ZNF765: variants seen among roughly 807,000 people sequenced by gnomAD.
ZNF765 encodes zinc finger protein 765.
Under a neutral mutation model 44.7 loss-of-function variants are expected in ZNF765, and 37 were observed. The observed-to-expected ratio is 0.83, with a 90% CI of 0.64 to 1.09. The LOEUF is 1.09. Ranked by LOEUF, ZNF765 falls within the 50% of genes least tolerant of loss-of-function variation. ZNF765 has a pLI of 0.00. For synonymous variants in ZNF765, 201 were observed against 213.7 expected, an observed-to-expected ratio of 0.94 and a Z score of 0.52; for missense variants, 594 against 626.1, an observed-to-expected ratio of 0.95 and a Z score of 0.55.
chr19:53,400,763 C>CATATATATATAT (rs35520888), intron 2 of ZNF765, among the ~76,000 whole-genome samples: 2,476 of 116,632 alleles, frequency 0.021, 79 homozygotes, highest in East Asian at 0.052. Flanking sequence ...TATTTGTTGA[C>CATATATATATAT]ATATATATAT....
At chr19:53,397,871 G>C in intron 1 of ZNF765, 72 bp from the exon 2 acceptor site, 1 of 1,372,050 alleles carries the variant, frequency 7.3e-7, no homozygotes, top group Non-Finnish European at 1.0e-6. Flanking sequence ...GGTCTCCTTT[G>C]TATGTGTTGT....
At chr19:53,417,342 A>C (rs1349449316) in intron 3 of ZNF765, among the ~76,000 whole-genome samples, 1 of 152,112 alleles carries the variant, frequency 6.6e-6, no homozygotes, top group Non-Finnish European at 1.5e-5. Context: ...CTGTCTTCTC[A>C]TCATTTACCT....
At chr19:53,405,547 G>A (rs563878596) in intron 3 of ZNF765, among the ~76,000 whole-genome samples, 1 of 151,422 alleles carries the variant, frequency 6.6e-6, no homozygotes, top group South Asian at 2.1e-4. Context: ...ATTCTTCATG[G>A]TTTAGCCCAG....
At chr19:53,407,236 C>T (rs1462461552) in intron 3 of ZNF765, among the ~76,000 whole-genome samples, 1 of 152,172 alleles carries the variant, frequency 6.6e-6, no homozygotes, top group Non-Finnish European at 1.5e-5. Context: ...TTTGACAATA[C>T]AGAATTTCCA....
At chr19:53,404,689 T>C (rs1356282129) in intron 3 of ZNF765, among the ~76,000 whole-genome samples, 1 of 151,950 alleles carries the variant, frequency 6.6e-6, no homozygotes, top group Non-Finnish European at 1.5e-5. Flanking sequence ...CTTCATCTCC[T>C]GACCTCGTGA....
Position 53,409,069 on chromosome 19 carries a change from T to C in ZNF765, c.1514T>C (p.Phe505Ser). 1 of 1,613,880 alleles carries C rather than the reference T, an allele frequency of 6.2e-7. No individual in the cohort carries two copies. Among genetic ancestry groups the C allele is most frequent in the South Asian group, 1.1e-5 (1 of 91,080 alleles). Reference protein sequence around the residue: ...KCEDCDEAFSFKSNLERHRRI... With the variant: ...KCEDCDEAFSSKSNLERHRRI... The stretch of plus-strand genomic sequence containing the variant: ...GAAGATTGTGATGAAGCTTTCAGTT[T>C]CAAATCAAACCTTGAAAGACATAGG... Residue 505 changes from phenylalanine to serine, a missense_variant, in exon 4 of 4, where the codon TTC becomes TCC. Phe to Ser is a radical substitution (Grantham distance 155). Transcript: ENST00000396408.
At chr19:53,404,577 C>G (rs938001053) in intron 3 of ZNF765, among the ~76,000 whole-genome samples, 1 of 151,704 alleles carries the variant, frequency 6.6e-6, no homozygotes, top group Non-Finnish European at 1.5e-5. Context: ...TTCAGTCTCC[C>G]AAGTAGCTGG....
In ZNF765 at chr19:53,408,700, C is replaced by G; in HGVS notation, c.1145C>G (p.Pro382Arg). The change falls in exon 4 of 4, where the codon CCT (proline) becomes CGT (arginine). Residue 382 changes from proline (P) to arginine (R), a missense_variant. This residue lies in a region of ZNF765 where 567 missense variants were observed against 572.6 expected (regional missense o/e 0.99). Transcript: ENST00000396408. ...CHHRVHTGEKPYKCNECSKTF... is the reference protein window; with the variant it reads ...CHHRVHTGEKRYKCNECSKTF... Reference sequence around the variant, plus strand: ...CATAGAGTTCATACTGGAGAGAAACCTTACAAGTGTAATGAGTGTAGCAAG... The same window carrying G: ...CATAGAGTTCATACTGGAGAGAAACGTTACAAGTGTAATGAGTGTAGCAAG... The G allele has an allele frequency of 2.0e-6, 3 of 1,531,402 alleles. No individual in the cohort carries two copies. The highest frequency in any genetic ancestry group is 2.7e-6 in the Non-Finnish European group (3 of 1,127,990). 94.9% of individuals were successfully genotyped at this position (1,531,402 alleles called of 1,614,324 possible).
intron 2 of ZNF765, among the ~76,000 whole-genome samples, chr19:53,399,410 C>T (rs1172983810): frequency 6.6e-6 from 1 of 152,076 alleles, no homozygotes; most frequent in Non-Finnish European, 1.5e-5. Flanking sequence ...ACTGGGGAGT[C>T]ACCACTGTCA....
In ZNF765 at chr19:53,410,354, C is replaced by T. The variant is rs1320028184; in HGVS notation, c.*1227C>T. ...GAAAGCTTACATATGTGAAGAATGT[C>T]ACCAAGTTTTCAGTCACACTCAAAC... On this transcript the variant is annotated 3_prime_UTR_variant, in exon 4 of 4. Coordinates refer to ENST00000396408, the MANE Select transcript of ZNF765 (RefSeq NM_001040185.3). 3 of 335,652 alleles carry T rather than the reference C, an allele frequency of 8.9e-6. No individual in the cohort carries two copies. Among genetic ancestry groups the T allele is most frequent in the African/African-American group, 2.2e-5 (1 of 45,922 alleles). 20.8% of individuals were successfully genotyped at this position (335,652 alleles called of 1,614,324 possible).
rs753321721 is a variant in ZNF765, at chr19:53,408,800, G to A, written c.1245G>A (p.Glu415=). 29 of 1,613,922 alleles carry A rather than the reference G, an allele frequency of 1.8e-5. No individual in the cohort carries two copies. The Admixed American group carries it at 4.2e-4, about 23-fold the overall frequency. Residue 415 remains glutamate (E), a synonymous_variant, in exon 4 of 4, where the codon GAG becomes GAA. Coordinates refer to ENST00000396408, the MANE Select transcript of ZNF765 (RefSeq NM_001040185.3). The stretch of plus-strand genomic sequence containing the variant: ...AAGAGAAACCTTACAAGTGTAATGA[G>A]TGTGGCAAGACCTTCAATCAGCAGT... ...HTEEKPYKCN[E]CGKTFNQQLT...
rs1169128396 is a variant in ZNF765, at chr19:53,408,336, C to G, written c.781C>G (p.His261Asp). 1 of 1,614,156 alleles carries G rather than the reference C, an allele frequency of 6.2e-7. No homozygotes were observed. The highest frequency in any genetic ancestry group is 1.7e-5 in the Admixed American group (1 of 60,010). ...TAATTCGAAGCGATACGTTGCACGC[C>G]ATCGTAGATGTCACACTGGTGAGAA... ...VFNSKRYVAR[H>D]RRCHTGEKPY... The change falls in exon 4 of 4, where the codon CAT (histidine) becomes GAT (aspartate). Residue 261 changes from histidine to aspartate, a missense_variant. His to Asp is a moderately conservative substitution (Grantham distance 81, BLOSUM62 -1). Transcript: ENST00000396408.
chr19:53,395,778 C>T (rs1250574252), intron 1 of ZNF765, among the ~76,000 whole-genome samples: 1 of 152,218 alleles, frequency 6.6e-6, no homozygotes, highest in Non-Finnish European at 1.5e-5. Flanking sequence ...CTGCCCAGCT[C>T]CAGCCCCTGG....
At position 53,408,714 on chromosome 19, in the gene ZNF765, G is replaced by T. The variant is rs779519076; in HGVS notation, c.1159G>T (p.Glu387Ter). The T allele has an allele frequency of 5.2e-6, 8 of 1,533,968 alleles. No individual in the cohort carries two copies. In the East Asian group the frequency reaches 1.9e-4, roughly 37 times the overall value. The change falls in exon 4 of 4, where the codon GAG becomes TAG. Residue 387 changes from glutamate (E) to a stop codon, truncating the protein, a stop_gained. Transcript: ENST00000396408. LOFTEE classifies it high-confidence loss of function. ...HTGEKPYKCNECSKTFSHKSS... is the reference protein window; with the variant it reads ...HTGEKPYKCN ...TGGAGAGAAACCTTACAAGTGTAAT[G>T]AGTGTAGCAAGACCTTTAGTCACAA...
chr19:53,406,162 G>C (rs963083872), intron 3 of ZNF765, among the ~76,000 whole-genome samples: 13 of 150,298 alleles, frequency 8.6e-5, no homozygotes, highest in African/African-American at 2.9e-4. Context: ...CCAAGTAGCT[G>C]AGATTACAGG....
At chr19:53,422,412 A>G (rs1253613587) in intron 3 of ZNF765, among the ~76,000 whole-genome samples, 1 of 152,186 alleles carries the variant, frequency 6.6e-6, no homozygotes, top group African/African-American at 2.4e-5. Context: ...TATGAAGAAT[A>G]TGGAGGTGAA....
At chr19:53,412,460 A>G (rs1267461288), downstream of ZNF765, among the ~76,000 whole-genome samples, 4 of 152,202 alleles carry the variant, frequency 2.6e-5, no homozygotes, top group African/African-American at 9.7e-5. Context: ...GGAAAAATAC[A>G]TATTATGAGA....
At chr19:53,421,404 G>A (rs1415348611) in intron 3 of ZNF765, among the ~76,000 whole-genome samples, 4 of 152,144 alleles carry the variant, frequency 2.6e-5, no homozygotes, top group African/African-American at 7.2e-5. Context: ...TCTATACTTT[G>A]TCTCTGTCTC....
Position 53,408,371 on chromosome 19 carries a change from G to C in ZNF765, c.816G>C (p.Lys272Asn). 1 of 1,614,186 alleles carries C rather than the reference G, an allele frequency of 6.2e-7. No individual in the cohort carries two copies. The highest frequency in any genetic ancestry group is 1.7e-5 in the Admixed American group (1 of 60,024). The change falls in exon 4 of 4, where the codon AAG becomes AAC. Residue 272 changes from lysine (K) to asparagine (N), a missense_variant. Transcript: ENST00000396408. ...GTCACACTGGTGAGAAACCTTACAA[G>C]TGTAATGAGTGTGGCAAGACCTTCA... Reference protein sequence around the residue: ...RRCHTGEKPYKCNECGKTFSQ... With the variant: ...RRCHTGEKPYNCNECGKTFSQ...
Sources: gnomAD v4.1 joint callset for allele counts (sites outside exome capture counted in the v4.1 genomes callset) on GRCh38, gnomAD v4.1.1 for gene constraint, gnomAD v4.1.1 regional missense constraint, MANE v1.5 for transcripts, NCBI Gene and HGNC (gene_info 2026-07-23, HGNC 2026-07-21) for gene names.